NFE2: variants seen among roughly 807,000 people sequenced by gnomAD.
The protein encoded by NFE2 is transcription factor NF-E2 45 kDa subunit.
In NFE2, 13 loss-of-function variants were observed where a neutral mutation model predicts 25.8. The ratio of observed to expected loss-of-function variants is 0.50; its 90% CI spans 0.33 to 0.80. The LOEUF (loss-of-function observed/expected upper bound fraction) is 0.80. NFE2 is among the 30% of genes least tolerant of loss of function. The pLI, the probability that NFE2 is intolerant of heterozygous loss-of-function variation, is 0.02. For synonymous variants in NFE2, 204 were observed against 200.2 expected (o/e 1.02, Z -0.16); for missense variants, 382 against 478.9 (o/e 0.80, Z 1.89).
intron 1 of NFE2, chr12:54,297,866 CT>C (rs1944388337): frequency 6.6e-6 from 1 of 152,012 alleles, no homozygotes; most frequent in Admixed American, 6.5e-5. Context: ...AGTATCTCCC[CT>C]AGCCCTTGCC....
chr12:54,294,282 C>T (rs1478395272), intron 2 of NFE2, among the ~76,000 whole-genome samples: 2 of 151,828 alleles, frequency 1.3e-5, no homozygotes, highest in Non-Finnish European at 2.9e-5. Context: ...TTATTTCCTT[C>T]AGGAAGTCAA....
chr12:54,296,663 G>A (rs945951327), intron 1 of NFE2, among the ~76,000 whole-genome samples: 3 of 152,240 alleles, frequency 2.0e-5, no homozygotes, highest in South Asian at 2.1e-4. Context: ...TCTCTTTAGA[G>A]CCTTGAATAT....
rs1485923234 is a variant in NFE2, at chr12:54,301,014, C to G, written c.-270G>C. 6.6e-6 allele frequency: 1 copy of G among 152,414 alleles called. No individual in the cohort carries two copies. Among genetic ancestry groups the G allele is most frequent in the African/African-American group, 2.4e-5 (1 of 41,474 alleles). The allele number at this position is 152,414 out of a possible 1,614,324, so 9.4% of individuals were successfully genotyped here. ...GAGCCCCAAGCAGGCGCACCAGCGTCTGAAGCCCTCGGCCTGAGTTCTCAG... is the reference window on the plus strand; with the variant it reads ...GAGCCCCAAGCAGGCGCACCAGCGTGTGAAGCCCTCGGCCTGAGTTCTCAG... On this transcript the variant is annotated 5_prime_UTR_variant, in exon 1 of 3. Coordinates refer to ENST00000435572, the MANE Select transcript of NFE2 (RefSeq NM_001136023.3).
chr12:54,298,763 C>T (rs1202913450), intron 1 of NFE2, among the ~76,000 whole-genome samples: 1 of 151,638 alleles, frequency 6.6e-6, no homozygotes, highest in Non-Finnish European at 1.5e-5. Context: ...TTAAAAGTGC[C>T]TCAGTGGCCA....
At position 54,295,316 on chromosome 12, in the gene NFE2, G is replaced by C. The variant is rs1285569110; in HGVS notation, c.-56-12C>G. The C allele has an allele frequency of 3.8e-6, 5 of 1,318,620 alleles. No individual in the cohort carries two copies. Among genetic ancestry groups the C allele is most frequent in the Non-Finnish European group, 5.5e-6 (5 of 917,164 alleles). 81.7% of individuals were successfully genotyped at this position (1,318,620 alleles called of 1,614,324 possible). On this transcript the variant is annotated splice_polypyrimidine_tract_variant and intron_variant, in intron 1 of 2. Coordinates refer to ENST00000435572, the MANE Select transcript of NFE2 (RefSeq NM_001136023.3). ...ATGGCTCTAGAAACCTGTGTCAAAG[G>C]AAAAGAGGTGTTAGAGCTACACCTG...
chr12:54,299,385 G>T (rs570663170), intron 1 of NFE2, among the ~76,000 whole-genome samples: 6 of 152,278 alleles, frequency 3.9e-5, no homozygotes, highest in African/African-American at 1.4e-4. Flanking sequence ...AGTGAAGTGG[G>T]CTTCCCTGTG....
chr12:54,297,374 A>AC (rs1944382205), intron 1 of NFE2, among the ~76,000 whole-genome samples: 1 of 150,312 alleles, frequency 6.7e-6, no homozygotes, highest in African/African-American at 2.4e-5. Context: ...AAAAAAAAAA[A>AC]AAAAAACGGC....
chr12:54,299,023 C>T (rs1944399139), intron 1 of NFE2, among the ~76,000 whole-genome samples: 1 of 151,206 alleles, frequency 6.6e-6, no homozygotes, highest in Non-Finnish European at 1.5e-5. Context: ...TACACTCCAG[C>T]CTGGGCAACA....
Position 54,292,294 on chromosome 12 carries a change from TG to T in NFE2, c.*79del. 1 of 1,470,596 alleles carries T rather than the reference TG, an allele frequency of 6.8e-7. No homozygotes were observed. The highest frequency in any genetic ancestry group is 9.3e-7 in the Non-Finnish European group (1 of 1,078,312). The allele number at this position is 1,470,596 out of a possible 1,614,324, so 91.1% of individuals were successfully genotyped here. A position where few individuals can be genotyped will look rare whatever the true frequency, so the allele number is the denominator to read the frequency against. ...CTGGTCTAGAGAACTCAGCTCCTTC[TG>T]GGACTCAGGGTTGGGGAGTACCTTT... is the stretch of plus-strand genomic sequence containing the variant. On this transcript the variant is annotated 3_prime_UTR_variant, in exon 3 of 3. Coordinates refer to ENST00000435572, the MANE Select transcript of NFE2 (RefSeq NM_001136023.3).
chr12:54,299,009 C>T (rs180687176), intron 1 of NFE2, among the ~76,000 whole-genome samples: 44 of 151,676 alleles, frequency 2.9e-4, no homozygotes, highest in Admixed American at 1.3e-3. Context: ...TGAGATCATG[C>T]CACTACACTC....
At chr12:54,298,389 C>T (rs1592182363) in intron 1 of NFE2, among the ~76,000 whole-genome samples, 2 of 151,872 alleles carry the variant, frequency 1.3e-5, no homozygotes, top group East Asian at 1.9e-4. Context: ...TGCCTGTAAT[C>T]CCAGCTACTT....
chr12:54,295,268 G>T lies in NFE2; in HGVS notation c.-20C>A. On this transcript the variant is annotated 5_prime_UTR_variant, in exon 2 of 3. Coordinates refer to ENST00000435572, the MANE Select transcript of NFE2 (RefSeq NM_001136023.3). ...GGACATCCTACTGGGCCAGAGTCTG[G>T]TCCAGGTTCCCGGAAAGCCCAGATG... is the stretch of plus-strand genomic sequence containing the variant. The T allele has an allele frequency of 3.1e-6, 5 of 1,607,138 alleles. No homozygotes were observed. The highest frequency in any genetic ancestry group is 4.3e-6 in the Non-Finnish European group (5 of 1,173,756).
At position 54,292,350 on chromosome 12, in the gene NFE2, G is replaced by C; in HGVS notation, c.*24C>G. On this transcript the variant is annotated 3_prime_UTR_variant, in exon 3 of 3. Transcript: ENST00000435572. ...GAAGGGAATGAAGGAAATCCCATCA[G>C]CAGTTCCACCCCTCTGGGCCAGCTC... 3 of 1,602,670 alleles carry C rather than the reference G, an allele frequency of 1.9e-6. No homozygotes were observed. Among genetic ancestry groups the C allele is most frequent in the Non-Finnish European group, 2.6e-6 (3 of 1,171,502 alleles).
chr12:54,298,987 G>T (rs977611269), intron 1 of NFE2, among the ~76,000 whole-genome samples: 2 of 151,634 alleles, frequency 1.3e-5, no homozygotes, highest in Admixed American at 1.3e-4. Context: ...GGCGGTAGAG[G>T]TTACGGTGAG....
At chr12:54,299,311 G>C (rs975507315) in intron 1 of NFE2, among the ~76,000 whole-genome samples, 4 of 152,230 alleles carry the variant, frequency 2.6e-5, no homozygotes, top group African/African-American at 9.6e-5. Context: ...AGATCAGGGA[G>C]ATAGATAGAA....
Position 54,295,126 on chromosome 12 carries a change from C to G in NFE2, c.114+9G>C, listed in dbSNP as rs1565886731. 1 of 1,611,380 alleles carries G rather than the reference C, an allele frequency of 6.2e-7. No homozygotes were observed. The highest frequency in any genetic ancestry group is 1.1e-5 in the South Asian group (1 of 90,956). On this transcript the variant is annotated intron_variant, in intron 2 of 2. Transcript: ENST00000435572. ...CACGGCCTCCCCTGCCCTATCCCCC[C>G]TTACTCACCTGCAGCTCGGTGATGG...
intron 1 of NFE2, chr12:54,297,654 A>C (rs1390340855): frequency 7.9e-6 from 1 of 126,454 alleles, no homozygotes; most frequent in Non-Finnish European, 1.6e-5. Context: ...CGACAGAGTG[A>C]GACTCTGTTT....
chr12:54,294,784 G>A (rs561568310), intron 2 of NFE2, among the ~76,000 whole-genome samples: 11 of 152,280 alleles, frequency 7.2e-5, no homozygotes, highest in Admixed American at 1.3e-4. Context: ...AAGGGCAGGC[G>A]GAGGTAATGA....
At position 54,292,225 on chromosome 12, in the gene NFE2, A is replaced by G; in HGVS notation, c.*149T>C. ...TCCCTCAAGGCAAGCCTCTTTGAAC[A>G]CACCTTGGAACTTCCAAACACTTGT... On this transcript the variant is annotated 3_prime_UTR_variant, in exon 3 of 3. Transcript: ENST00000435572. 2.5e-6 allele frequency: 2 copies of G among 806,910 alleles called. No individual in the cohort carries two copies. The highest frequency in any genetic ancestry group is 1.9e-5 in the South Asian group (1 of 53,718). The allele number at this position is 806,910 out of a possible 1,614,324, so 50.0% of individuals were successfully genotyped here.
Sources: allele counts gnomAD v4.1 joint callset (sites outside exome capture counted in the v4.1 genomes callset), GRCh38; gene constraint gnomAD v4.1.1; transcripts MANE v1.5; gene names NCBI Gene and HGNC (gene_info 2026-07-23, HGNC 2026-07-21).